Variants in OLFML2A observed in about 807,000 individuals in gnomAD.
OLFML2A encodes olfactomedin-like protein 2A.
Under a neutral mutation model 60.9 loss-of-function variants are expected in OLFML2A, and 47 were observed. That is an observed-to-expected ratio of 0.77 (90% CI 0.61 to 0.98). The LOEUF (loss-of-function observed/expected upper bound fraction) is 0.98. OLFML2A is among the 50% of genes least tolerant of loss of function. The pLI is 0.00. For synonymous variants in OLFML2A, 372 were observed against 375.0 expected (o/e 0.99, Z 0.09); for missense variants, 922 against 879.8 (o/e 1.05, Z -0.61).
At chr9:124,801,145 G>A (rs1841767193) in intron 4 of OLFML2A, 2 of 1,290,536 alleles carry the variant, frequency 1.5e-6, no homozygotes, top group Non-Finnish European at 2.2e-6. Context: ...GGATTGGACA[G>A]GAGTTGAGAA....
chr9:124,802,431 G>A (rs566271434), intron 5 of OLFML2A, among the ~76,000 whole-genome samples: 3 of 152,308 alleles, frequency 2.0e-5, no homozygotes, highest in East Asian at 1.9e-4. Flanking sequence ...TGCAAGGGGC[G>A]CAAGGAGGTG....
rs1841994372 is a variant in OLFML2A, at chr9:124,810,613, A to T, written c.*201A>T. 6.7e-6 allele frequency: 4 copies of T among 597,394 alleles called. No homozygotes were observed. In the East Asian group the frequency reaches 1.1e-4, roughly 17 times the overall value. The allele number at this position is 597,394 out of a possible 1,614,324, so 37.0% of individuals were successfully genotyped here. On this transcript the variant is annotated 3_prime_UTR_variant, in exon 8 of 8. Coordinates refer to ENST00000373580, the MANE Select transcript of OLFML2A (RefSeq NM_182487.4). ...CCACTTGCAGAGCACCGTGCCAAGC[A>T]CTTCCCACACACTTACCCGTTTGAT...
intron 1 of OLFML2A, among the ~76,000 whole-genome samples, chr9:124,784,498 G>A (rs993357722): frequency 5.9e-5 from 9 of 152,012 alleles, no homozygotes; most frequent in Admixed American, 2.0e-4. Flanking sequence ...CACTGTGCCC[G>A]GCCAGAGATA....
intron 2 of OLFML2A, among the ~76,000 whole-genome samples, chr9:124,791,607 G>A (rs968241844): frequency 1.3e-5 from 2 of 151,804 alleles, no homozygotes; most frequent in African/African-American, 4.8e-5. Context: ...GTATGGTGGC[G>A]GGCACCTATA....
In OLFML2A at chr9:124,778,623, TAA is replaced by T. The variant is rs35250314; in HGVS notation, c.90+1276_90+1277del. On this transcript the variant is annotated intron_variant, in intron 1 of 7. Transcript: ENST00000373580. ...GCAACAGAGTGAGACCCCGTCTCTA[TAA>T]AAAAAAAAAAAATTAAATTAAATTA... 8.8e-3 allele frequency among the ~76,000 whole-genome samples: 1,298 copies of T among 147,122 alleles called. 14 individuals carry two copies. Among genetic ancestry groups the T allele is most frequent in the South Asian group, 0.032 (150 of 4,656 alleles).
intron 2 of OLFML2A, among the ~76,000 whole-genome samples, chr9:124,792,824 C>A (rs563592757): frequency 1.3e-5 from 2 of 152,134 alleles, no homozygotes; most frequent in African/African-American, 4.8e-5. Context: ...TTACTACGGC[C>A]CTATTGTCCC....
At chr9:124,800,959 A>G in intron 4 of OLFML2A, 21 of 1,544,986 alleles carry the variant, frequency 1.4e-5, no homozygotes, top group Non-Finnish European at 1.8e-5. Flanking sequence ...TTCAGTGCTA[A>G]AACTAGGAAT....
chr9:124,782,844 C>T (rs956525608), intron 1 of OLFML2A, among the ~76,000 whole-genome samples: 3 of 152,048 alleles, frequency 2.0e-5, no homozygotes, highest in Admixed American at 6.6e-5. Flanking sequence ...ATGGGTGAGT[C>T]CCCAGGAGGA....
rs78699324 is a variant in OLFML2A, at chr9:124,780,393, G to A, written c.90+3033G>A. 4.8e-3 allele frequency among the ~76,000 whole-genome samples: 730 copies of A among 152,346 alleles called. 5 individuals carry two copies. The highest frequency in any genetic ancestry group is 0.016 in the African/African-American group (685 of 41,584). The stretch of plus-strand genomic sequence containing the variant: ...GTCTTTGGTCAGCCTGCTGATCAGG[G>A]GCCCAAGGACAGAGGGAAGCCCAAA... On this transcript the variant is annotated intron_variant, in intron 1 of 7. Transcript: ENST00000373580.
At position 124,779,039 on chromosome 9, in the gene OLFML2A, A is replaced by C; in HGVS notation, c.90+1679A>C. 12 of 735,454 alleles carry C rather than the reference A, an allele frequency of 1.6e-5. No individual in the cohort carries two copies. Among genetic ancestry groups the C allele is most frequent in the Non-Finnish European group, 2.0e-5 (12 of 601,746 alleles). The allele number at this position is 735,454 out of a possible 1,614,324, so 45.6% of individuals were successfully genotyped here. A position where few individuals can be genotyped will look rare whatever the true frequency, so the allele number is the denominator to read the frequency against. ...GCCAACTCTCAGCCTGATTCAGCTC[A>C]GGGCATGAAAGCACCCACGTACAAC... On this transcript the variant is annotated intron_variant, in intron 1 of 7. Transcript: ENST00000373580. The surrounding 1 kb of genome is among the most constrained non-coding windows in gnomAD (Gnocchi z 4.1).
At chr9:124,790,897 C>T (rs922252001) in intron 2 of OLFML2A, among the ~76,000 whole-genome samples, 2 of 152,228 alleles carry the variant, frequency 1.3e-5, no homozygotes, top group Non-Finnish European at 2.9e-5. Flanking sequence ...CTACCCCAGC[C>T]CTTCCCCTCA....
chr9:124,791,004 G>T (rs1430484620), intron 2 of OLFML2A, among the ~76,000 whole-genome samples: 1 of 152,224 alleles, frequency 6.6e-6, no homozygotes, highest in African/African-American at 2.4e-5. Context: ...TTGACTGGGG[G>T]TTGGAGGGTG....
At chr9:124,798,252 A>G (rs954688604) in intron 3 of OLFML2A, among the ~76,000 whole-genome samples, 28 of 152,240 alleles carry the variant, frequency 1.8e-4, no homozygotes, top group African/African-American at 6.0e-4. Flanking sequence ...CTGTAATCCC[A>G]GCACTTTGCA....
intron 2 of OLFML2A, among the ~76,000 whole-genome samples, chr9:124,791,439 G>C (rs544985431): frequency 6.6e-6 from 1 of 152,260 alleles, no homozygotes; most frequent in South Asian, 2.1e-4. Flanking sequence ...AATTATTAGA[G>C]AAGTGAAATG....
chr9:124,800,239 AC>A (rs1404276945), intron 4 of OLFML2A, among the ~76,000 whole-genome samples: 3 of 152,064 alleles, frequency 2.0e-5, no homozygotes, highest in Non-Finnish European at 2.9e-5. Context: ...ACTGGATTCA[AC>A]CCCATTCAGG....
chr9:124,803,988 C>G (rs574307616), intron 5 of OLFML2A, 106 bp from the exon 6 acceptor site: 65 of 1,330,296 alleles, frequency 4.9e-5, no homozygotes, highest in Non-Finnish European at 6.4e-5. Context: ...AGGCCTCCCC[C>G]TCCACTCCCT....
At chr9:124,785,497 A>G (rs973451286) in intron 1 of OLFML2A, among the ~76,000 whole-genome samples, 1 of 137,854 alleles carries the variant, frequency 7.3e-6, no homozygotes, top group African/African-American at 2.8e-5. Flanking sequence ...TCCCGGGTTC[A>G]TGCCATTCTC....
intron 5 of OLFML2A, 106 bp downstream of exon 5, chr9:124,801,769 T>C (rs1274455434): frequency 1.6e-6 from 2 of 1,229,478 alleles, no homozygotes; most frequent in African/African-American, 1.5e-5. Context: ...GTTCCACCCA[T>C]TGATTACCTG....
At chr9:124,778,670 A>G (rs1174958574) in intron 1 of OLFML2A, among the ~76,000 whole-genome samples, 1 of 151,088 alleles carries the variant, frequency 6.6e-6, no homozygotes, top group Non-Finnish European at 1.5e-5. Context: ...GGTGGTGCAC[A>G]CCTGTAATCC....
Sources: gnomAD v4.1 joint callset for allele counts (sites outside exome capture counted in the v4.1 genomes callset) on GRCh38, gnomAD v4.1.1 for gene constraint, Gnocchi (gnomAD v3.1) non-coding constraint, MANE v1.5 for transcripts, NCBI Gene and HGNC (gene_info 2026-07-23, HGNC 2026-07-21) for gene names.